METTL16: variants seen among roughly 807,000 people sequenced by gnomAD.
The protein encoded by METTL16 is methyltransferase 16, RNA N6-adenosine.
Under a neutral mutation model 57.9 loss-of-function variants are expected in METTL16, and 19 were observed. The ratio of observed to expected loss-of-function variants is 0.33; its 90% CI spans 0.23 to 0.48. The LOEUF is 0.48. METTL16 is among the 20% of genes least tolerant of loss of function. The pLI, the probability that METTL16 is intolerant of heterozygous loss-of-function variation, is 0.99. For synonymous variants in METTL16, 246 were observed against 255.6 expected, an observed-to-expected ratio of 0.96 and a Z score of 0.36; for missense variants, 434 against 691.5, an observed-to-expected ratio of 0.63 and a Z score of 4.18.
intron 7 of METTL16, 49 bp downstream of exon 7, chr17:2,441,440 TG>T: frequency 7.3e-7 from 1 of 1,370,544 alleles, no homozygotes; most frequent in Non-Finnish European, 1.0e-6. Flanking sequence ...TTGTGCCCCA[TG>T]GATACAAAGA....
chr17:2,482,444 G>A (rs901703059), intron 2 of METTL16, among the ~76,000 whole-genome samples: 7 of 152,106 alleles, frequency 4.6e-5, no homozygotes, highest in African/African-American at 1.4e-4. Flanking sequence ...GTGAACCGTG[G>A]CTACATAATA....
At chr17:2,435,057 G>A (rs2066899825) in intron 8 of METTL16, among the ~76,000 whole-genome samples, 2 of 152,212 alleles carry the variant, frequency 1.3e-5, no homozygotes, top group Admixed American at 1.3e-4. Context: ...AGAACAGTTT[G>A]TAGAACATGC....
At position 2,417,118 on chromosome 17, in the gene METTL16, T is replaced by C. The variant is rs1390321969; in HGVS notation, c.*2852A>G. On this transcript the variant is annotated 3_prime_UTR_variant, in exon 10 of 10. Transcript: ENST00000263092. ...TCCCACTTTGTCGCCCAGGCTGTAG[T>C]GCAGTGGCATTCTCGGCTCACTGCA... is the stretch of plus-strand genomic sequence containing the variant. 1 of 133,728 alleles carries C rather than the reference T, an allele frequency of 7.5e-6. No individual in the cohort carries two copies. Among genetic ancestry groups the C allele is most frequent in the East Asian group, 2.6e-4 (1 of 3,844 alleles). The allele number at this position is 133,728 out of a possible 1,614,324, so 8.3% of individuals were successfully genotyped here. A position where few individuals can be genotyped will look rare whatever the true frequency, so the allele number is the denominator to read the frequency against.
chr17:2,428,629 G>T, intron 8 of METTL16, among the ~76,000 whole-genome samples: 1 of 121,492 alleles, frequency 8.2e-6, no homozygotes. Context: ...GGGCACAGTG[G>T]CTCACACCTG....
rs1449458716 is a variant in METTL16 at position 2,447,064 on chromosome 17, T to C, written c.729-5505A>G. 8.0e-4 allele frequency among the ~76,000 whole-genome samples: 114 copies of C among 142,518 alleles called. 1 individual carries two copies. Among genetic ancestry groups the C allele is most frequent in the East Asian group, 4.8e-3 (24 of 4,972 alleles). 93.5% of individuals were successfully genotyped at this position (142,518 alleles called of 152,430 possible). A position where few individuals can be genotyped will look rare whatever the true frequency, so the allele number is the denominator to read the frequency against. ...CCCATCGTCTGGGATATGAGGAGCC[T>C]CTCTGCCTGGCTGCCCAGTCTGGAA... On this transcript the variant is annotated intron_variant, in intron 6 of 9. Coordinates refer to ENST00000263092, the MANE Select transcript of METTL16 (RefSeq NM_024086.4).
At chr17:2,477,014 C>G (rs2067273080) in intron 3 of METTL16, among the ~76,000 whole-genome samples, 1 of 150,534 alleles carries the variant, frequency 6.6e-6, no homozygotes. Flanking sequence ...AAAAATAAAG[C>G]CCAACAGACA....
At chr17:2,483,888 A>T (rs1208201565) in intron 2 of METTL16, among the ~76,000 whole-genome samples, 1 of 152,248 alleles carries the variant, frequency 6.6e-6, no homozygotes, top group Non-Finnish European at 1.5e-5. Flanking sequence ...CATATGACGA[A>T]GAAGTTCACA....
chr17:2,485,420 C>G (rs1344309631), intron 2 of METTL16, among the ~76,000 whole-genome samples: 1 of 152,098 alleles, frequency 6.6e-6, no homozygotes, highest in East Asian at 1.9e-4. Flanking sequence ...CCCGAAATCA[C>G]CCCTCCCCCA....
intron 2 of METTL16, among the ~76,000 whole-genome samples, chr17:2,497,705 A>T (rs971574463): frequency 6.6e-6 from 1 of 151,528 alleles, no homozygotes; most frequent in South Asian, 2.1e-4. Context: ...TTGTAAAAAC[A>T]CATCTGTTAG....
chr17:2,496,721 G>T (rs1004727720), intron 2 of METTL16, among the ~76,000 whole-genome samples: 6 of 151,524 alleles, frequency 4.0e-5, no homozygotes, highest in Non-Finnish European at 5.9e-5. Context: ...AATCCCCAAT[G>T]CCAACAGTGT....
intron 7 of METTL16, among the ~76,000 whole-genome samples, chr17:2,439,097 ATTTAT>A (rs1390524368): frequency 6.6e-6 from 1 of 151,900 alleles, no homozygotes; most frequent in African/African-American, 2.4e-5. Context: ...CGGTGGGAGT[ATTTAT>A]TTTATTTAAA....
At chr17:2,507,464 C>T (rs1473812163) in intron 1 of METTL16, among the ~76,000 whole-genome samples, 1 of 149,072 alleles carries the variant, frequency 6.7e-6, no homozygotes, top group East Asian at 2.0e-4. Flanking sequence ...AAGTGAGGAG[C>T]CCCTCTGCCC....
At chr17:2,485,192 C>G (rs1464475116) in intron 2 of METTL16, among the ~76,000 whole-genome samples, 1 of 152,204 alleles carries the variant, frequency 6.6e-6, no homozygotes. Flanking sequence ...CCTGGGAACG[C>G]CGCATGCGAG....
intron 5 of METTL16, 139 bp downstream of exon 5, chr17:2,467,622 T>A (rs2067209336): frequency 1.7e-6 from 1 of 579,994 alleles, no homozygotes; most frequent in African/African-American, 1.9e-5. Flanking sequence ...GAGACGGAGT[T>A]TCACCATGTT....
At position 2,507,338 on chromosome 17, in the gene METTL16, C is replaced by T. The variant is rs1474554800; in HGVS notation, c.-1+4421G>A. 2.4e-3 allele frequency among the ~76,000 whole-genome samples: 345 copies of T among 145,958 alleles called. 3 individuals carry two copies. Among genetic ancestry groups the T allele is most frequent in the African/African-American group, 8.3e-3 (327 of 39,268 alleles). On this transcript the variant is annotated intron_variant, in intron 1 of 9. Coordinates refer to ENST00000263092, the MANE Select transcript of METTL16 (RefSeq NM_024086.4). ...TCCAGGAGGGAGGTGGGGGGGTCAG[C>T]CCCCCACCCAGCCAGCCACCCCGTC... is the stretch of plus-strand genomic sequence containing the variant.
intron 8 of METTL16, among the ~76,000 whole-genome samples, chr17:2,437,819 G>A (rs2066919778): frequency 1.3e-5 from 2 of 152,114 alleles, no homozygotes; most frequent in Non-Finnish European, 2.9e-5. Context: ...CAAAGTGCTG[G>A]GATTACAGGC....
chr17:2,436,031 G>A (rs1233310363), intron 8 of METTL16, among the ~76,000 whole-genome samples: 6 of 152,116 alleles, frequency 3.9e-5, no homozygotes, highest in Admixed American at 3.3e-4. Context: ...GGAGTGCCAG[G>A]GTGCTTTATC....
In METTL16 at chr17:2,473,573, G is replaced by A. The variant is rs766032008; in HGVS notation, c.420C>T (p.Asn140=). ...LATEVDDMCF[N]YAKKNVEQNN... ...TCTGTTCCACATTTTTCTTTGCATA[G>A]TTGAAACACATATCATCCACTTCTG... is the stretch of plus-strand genomic sequence containing the variant. Residue 140 remains asparagine, a synonymous_variant, in exon 4 of 10, where the codon AAC becomes AAT. Coordinates refer to ENST00000263092, the MANE Select transcript of METTL16 (RefSeq NM_024086.4). The A allele has an allele frequency of 3.1e-6, 5 of 1,614,124 alleles. No homozygotes were observed. Among genetic ancestry groups the A allele is most frequent in the Non-Finnish European group, 4.2e-6 (5 of 1,180,022 alleles).
At chr17:2,424,107 A>ATTTTTTT (rs369926688) in intron 8 of METTL16, 1 of 42,850 alleles carries the variant, frequency 2.3e-5, no homozygotes, top group African/African-American at 8.5e-5. Context: ...ATTTTATTTT[A>ATTTTTTT]TTTTATTATT....
Sources: allele counts gnomAD v4.1 joint callset (sites outside exome capture counted in the v4.1 genomes callset), GRCh38; gene constraint gnomAD v4.1.1; transcripts MANE v1.5; gene names NCBI Gene and HGNC (gene_info 2026-07-23, HGNC 2026-07-21).